Variants in GFM1 observed in about 807,000 individuals in gnomAD.
GFM1 encodes the protein G elongation factor mitochondrial 1.
In GFM1, 62 loss-of-function variants were observed where a neutral mutation model predicts 96.2. The ratio of observed to expected loss-of-function variants is 0.64; its 90% CI spans 0.53 to 0.80. The LOEUF is 0.80. GFM1 is among the 30% of genes least tolerant of loss of function. The pLI, the probability that GFM1 is intolerant of heterozygous loss-of-function variation, is 0.00. For synonymous variants in GFM1, 282 were observed against 312.9 expected (o/e 0.90, Z 1.04); for missense variants, 852 against 916.6 (o/e 0.93, Z 0.91).
chr3:158,648,498 G>A (rs1227760642), intron 4 of GFM1, among the ~76,000 whole-genome samples: 4 of 152,026 alleles, frequency 2.6e-5, no homozygotes, highest in Non-Finnish European at 5.9e-5. Context: ...TCAACATAGT[G>A]AAACCCCATC....
chr3:158,674,162 C>A lies in GFM1; in HGVS notation c.1601+7776C>A, dbSNP rs1215550392. ...GTGGCGTGATCTCGGCTCACTGCAACCTCCACCTCCCAGGTTCAAGCATTT... is the reference window on the plus strand; with the variant it reads ...GTGGCGTGATCTCGGCTCACTGCAAACTCCACCTCCCAGGTTCAAGCATTT... On this transcript the variant is annotated intron_variant, in intron 13 of 17. Coordinates refer to ENST00000486715, the MANE Select transcript of GFM1 (RefSeq NM_024996.7). 2.7e-5 allele frequency among the ~76,000 whole-genome samples: 4 copies of A among 150,506 alleles called. No homozygotes were observed. The East Asian group carries it at 7.9e-4, about 30-fold the overall frequency.
intron 8 of GFM1, chr3:158,655,900 T>TGATAA (rs1483222221): frequency 4.4e-6 from 2 of 457,374 alleles, no homozygotes; most frequent in Admixed American, 4.7e-5. Flanking sequence ...TGTCTCCTTA[T>TGATAA]GATCTCCTAG....
At chr3:158,656,824 G>A (rs993720709) in intron 8 of GFM1, 1 of 152,208 alleles carries the variant, frequency 6.6e-6, no homozygotes, top group Non-Finnish European at 1.5e-5. Flanking sequence ...TGGGTTTGGC[G>A]ATTGGGAACT....
At chr3:158,685,148 C>G (rs1725736604) in intron 15 of GFM1, 1 of 156,356 alleles carries the variant, frequency 6.4e-6, no homozygotes, top group Non-Finnish European at 1.4e-5. Flanking sequence ...ATGCAGATTT[C>G]TTGCAAAACT....
chr3:158,672,304 C>T (rs778650531), intron 13 of GFM1: 17 of 1,604,622 alleles, frequency 1.1e-5, no homozygotes, highest in South Asian at 5.5e-5. Flanking sequence ...GTGGAGGGAG[C>T]GCAATCCTGA....
intron 11 of GFM1, among the ~76,000 whole-genome samples, chr3:158,663,153 T>C (rs1292634459): frequency 6.6e-6 from 1 of 152,232 alleles, no homozygotes; most frequent in Non-Finnish European, 1.5e-5. Context: ...AATAAGACTT[T>C]TTTCCACTTT....
intron 14 of GFM1, 84 bp downstream of exon 14, chr3:158,682,241 T>C (rs893643851): frequency 1.5e-5 from 17 of 1,159,168 alleles, no homozygotes; most frequent in South Asian, 2.6e-5. Context: ...TCTTCCATCA[T>C]GTTGTCTATC....
At chr3:158,682,776 A>G (rs971545858) in intron 14 of GFM1, among the ~76,000 whole-genome samples, 2 of 152,144 alleles carry the variant, frequency 1.3e-5, no homozygotes, top group African/African-American at 2.4e-5. Context: ...TGTAATCCTA[A>G]CATTTTGGGA....
chr3:158,654,443 C>A, intron 7 of GFM1, 104 bp from the exon 8 acceptor site: 1 of 721,788 alleles, frequency 1.4e-6, no homozygotes, highest in Non-Finnish European at 2.4e-6. Context: ...AGTAATATCC[C>A]ACACACGTGC....
At chr3:158,676,236 T>C (rs1724885129) in intron 13 of GFM1, among the ~76,000 whole-genome samples, 1 of 152,192 alleles carries the variant, frequency 6.6e-6, no homozygotes, top group Non-Finnish European at 1.5e-5. Context: ...CAGTGCACTC[T>C]AGCTTGGATG....
Position 158,675,306 on chromosome 3 carries a change from A to AGG in GFM1, c.1602-6689_1602-6688insGG, listed in dbSNP as rs1560140878. ...ATCTCAAAAAAAAAAAAAAAAAAAAAAAAACAAGTTTTCAAGATAAAAGAG... is the reference window on the plus strand; with the variant it reads ...ATCTCAAAAAAAAAAAAAAAAAAAAAGGAAAACAAGTTTTCAAGATAAAAGAG... On this transcript the variant is annotated intron_variant, in intron 13 of 17. Coordinates refer to ENST00000486715, the MANE Select transcript of GFM1 (RefSeq NM_024996.7). Among the ~76,000 whole-genome samples, 14 of 146,194 alleles carry AGG rather than the reference A, an allele frequency of 9.6e-5. 3 individuals are homozygous for AGG. The highest frequency in any genetic ancestry group is 7.0e-3 in the Middle Eastern group (2 of 284).
intron 2 of GFM1, 74 bp downstream of exon 2, chr3:158,645,855 C>A: frequency 7.7e-7 from 1 of 1,306,600 alleles, no homozygotes; most frequent in Non-Finnish European, 1.1e-6. Context: ...TTTAATAAAG[C>A]TTATAAACCT....
Position 158,652,239 on chromosome 3 carries a change from A to G in GFM1, c.833A>G (p.Asp278Gly). ...GAAGAAAAAATCCCCTCGATTTCTG[A>G]TTTAAAGGCAAGTGCTTTCAAAATA... is the stretch of plus-strand genomic sequence containing the variant. The part of the protein sequence containing the change: ...FLEEKIPSIS[D>G]LKLAIRRATL... Residue 278 changes from aspartate to glycine, a missense_variant, in exon 6 of 18, where the codon GAT (aspartate) becomes GGT (glycine). Physicochemically the swap from Asp to Gly is moderately conservative, Grantham distance 94. Transcript: ENST00000486715. 2 of 1,614,076 alleles carry G rather than the reference A, an allele frequency of 1.2e-6. No individual in the cohort carries two copies. The highest frequency in any genetic ancestry group is 1.7e-6 in the Non-Finnish European group (2 of 1,179,934).
At chr3:158,671,049 G>T in intron 13 of GFM1, 1 of 1,490,798 alleles carries the variant, frequency 6.7e-7, no homozygotes, top group East Asian at 2.5e-5. Context: ...GTGGAGACAA[G>T]AAAATATTAT....
chr3:158,666,760 A>G (rs773263389), intron 13 of GFM1: 28 of 1,598,578 alleles, frequency 1.8e-5, no homozygotes, highest in Non-Finnish European at 2.3e-5. Context: ...AGTGAAGAAA[A>G]TTAATGCCAT....
intron 8 of GFM1, 64 bp downstream of exon 8, chr3:158,654,695 C>T: frequency 1.9e-6 from 2 of 1,032,304 alleles, no homozygotes; most frequent in Non-Finnish European, 1.5e-6. Flanking sequence ...AGGCTTTATT[C>T]CTATTACAGA....
chr3:158,646,428 GACTA>G (rs1478986906), intron 3 of GFM1, 131 bp downstream of exon 3: 5 of 999,730 alleles, frequency 5.0e-6, no homozygotes, highest in African/African-American at 4.8e-5. Context: ...TATTAAAGAA[GACTA>G]ACTTAGGACC....
chr3:158,685,180 C>T (rs1725738739), intron 15 of GFM1: 1 of 156,674 alleles, frequency 6.4e-6, no homozygotes, highest in African/African-American at 2.4e-5. Flanking sequence ...CAACATTTCT[C>T]ACAGAGTAAT....
intron 11 of GFM1, among the ~76,000 whole-genome samples, chr3:158,664,191 G>T (rs1241363986): frequency 6.6e-6 from 1 of 152,180 alleles, no homozygotes; most frequent in East Asian, 1.9e-4. Context: ...GTTAATATTG[G>T]TTGTACTGGG....
Sources: allele counts gnomAD v4.1 joint callset (sites outside exome capture counted in the v4.1 genomes callset), GRCh38; gene constraint gnomAD v4.1.1; transcripts MANE v1.5; gene names NCBI Gene and HGNC (gene_info 2026-07-23, HGNC 2026-07-21).